The following KIF13B variants were observed in gnomAD, a reference collection of about 807,000 sequenced individuals.
KIF13B encodes the protein kinesin family member 13B, also known as kinesin-like protein KIF13B.
A neutral mutation model predicts 222.0 loss-of-function variants in KIF13B; 127 were observed. The ratio of observed to expected loss-of-function variants is 0.57; its 90% CI spans 0.50 to 0.66. The LOEUF is 0.66. Among genes scored for constraint, KIF13B ranks in the 30% least tolerant of loss-of-function variants. The pLI, the probability that KIF13B is intolerant of heterozygous loss-of-function variation, is 0.00. For synonymous variants in KIF13B, 976 were observed against 919.0 expected (o/e 1.06, Z -1.12); for missense variants, 2,173 against 2,379.0 (o/e 0.91, Z 1.80).
chr8:29,147,645 CATA>C (rs1164257766), intron 16 of KIF13B, 43 bp from the exon 17 acceptor site: 1 of 1,385,564 alleles, frequency 7.2e-7, no homozygotes, highest in Non-Finnish European at 1.0e-6. Flanking sequence ...AGAGTTACAA[CATA>C]ATAAACTTCA....
At chr8:29,217,655 G>C (rs991359860) in intron 2 of KIF13B, among the ~76,000 whole-genome samples, 1 of 152,334 alleles carries the variant, frequency 6.6e-6, no homozygotes, top group African/African-American at 2.4e-5. Context: ...AAAAGTAAGA[G>C]AGAACATCTT....
intron 18 of KIF13B, among the ~76,000 whole-genome samples, chr8:29,142,573 T>C (rs1041114872): frequency 4.6e-5 from 7 of 152,068 alleles, no homozygotes; most frequent in Admixed American, 4.6e-4. Flanking sequence ...GGCATGGTGG[T>C]TCACGCCTGT....
At chr8:29,212,371 G>A (rs929561971) in intron 2 of KIF13B, among the ~76,000 whole-genome samples, 95 of 152,260 alleles carry the variant, frequency 6.2e-4, no homozygotes, top group East Asian at 3.9e-4. Context: ...GTGCAGCATC[G>A]TCTGTCGTTT....
chr8:29,123,958 A>T, intron 27 of KIF13B, 66 bp downstream of exon 27: 1 of 984,740 alleles, frequency 1.0e-6, no homozygotes, highest in South Asian at 1.5e-5. Context: ...ATGTGGCTAC[A>T]AAGGGAGAAT....
intron 29 of KIF13B, among the ~76,000 whole-genome samples, chr8:29,121,143 CAG>C (rs1563718573): frequency 2.0e-5 from 3 of 150,990 alleles, no homozygotes; most frequent in African/African-American, 4.9e-5. Context: ...AGGTAATTTA[CAG>C]ATTCAATGCC....
intron 38 of KIF13B, among the ~76,000 whole-genome samples, chr8:29,074,758 T>C (rs1324371715): frequency 2.0e-5 from 3 of 152,256 alleles, no homozygotes; most frequent in African/African-American, 4.8e-5. Flanking sequence ...TGTGCCTCTG[T>C]TGCTGTTGTT....
intron 2 of KIF13B, among the ~76,000 whole-genome samples, chr8:29,241,546 T>TTCATAACA (rs1235775285): frequency 6.6e-6 from 1 of 152,178 alleles, no homozygotes; most frequent in Non-Finnish European, 1.5e-5. Context: ...TGGGATTATT[T>TTCATAACA]TCATAACAAT....
chr8:29,153,559 T>A (rs1436820425), intron 14 of KIF13B, among the ~76,000 whole-genome samples: 1 of 152,094 alleles, frequency 6.6e-6, no homozygotes, highest in Non-Finnish European at 1.5e-5. Flanking sequence ...GGGACACCAG[T>A]GTCATCATGC....
intron 26 of KIF13B, 141 bp from the exon 27 acceptor site, chr8:29,124,264 G>A (rs1012025059): frequency 5.3e-6 from 3 of 565,512 alleles, no homozygotes; most frequent in Non-Finnish European, 9.3e-6. Flanking sequence ...ACCACCAGTT[G>A]ACTGCGCCCA....
chr8:29,142,638 A>C (rs1370600505), intron 18 of KIF13B, among the ~76,000 whole-genome samples: 1 of 152,080 alleles, frequency 6.6e-6, no homozygotes, highest in Admixed American at 6.5e-5. Context: ...TCAGGAGTTC[A>C]AGACCAGCCT....
chr8:29,075,306 TC>T lies in KIF13B; in HGVS notation c.4495del (p.Asp1499ThrfsTer4). On this transcript the variant is annotated frameshift_variant, in exon 38 of 40. Coordinates refer to ENST00000524189, the MANE Select transcript of KIF13B (RefSeq NM_015254.4). LOFTEE classifies it high-confidence loss of function. Reference protein sequence around the residue: ...PRIMVQSASPDIRVTRMEEAQ... With the variant: ...PRIMVQSASPXIRVTRMEEAQ... ...CTCCTCCATCCTGGTCACCCTGATG[TC>T]CGGGCTGGCTGACTGCACCATGATG... The T allele has an allele frequency of 6.4e-7, 1 of 1,558,670 alleles. No individual in the cohort carries two copies. The highest frequency in any genetic ancestry group is 8.7e-7 in the Non-Finnish European group (1 of 1,150,802).
chr8:29,126,432 T>C, intron 26 of KIF13B, 50 bp downstream of exon 26: 8 of 1,189,720 alleles, frequency 6.7e-6, no homozygotes, highest in Non-Finnish European at 9.8e-6. Context: ...TGTGTAATTA[T>C]ATACTTTAAT....
chr8:29,209,345 T>C (rs1333793338), intron 2 of KIF13B, among the ~76,000 whole-genome samples: 1 of 152,064 alleles, frequency 6.6e-6, no homozygotes, highest in Non-Finnish European at 1.5e-5. Flanking sequence ...CTCAGCCATA[T>C]CTCATTTACT....
intron 10 of KIF13B, among the ~76,000 whole-genome samples, chr8:29,171,278 C>A (rs1812224719): frequency 6.6e-6 from 1 of 152,020 alleles, no homozygotes; most frequent in Admixed American, 6.6e-5. Flanking sequence ...AATGCGTAAC[C>A]CTCATTTAAT....
intron 14 of KIF13B, among the ~76,000 whole-genome samples, chr8:29,152,520 A>G (rs1811342811): frequency 6.6e-6 from 1 of 152,226 alleles, no homozygotes; most frequent in African/African-American, 2.4e-5. Context: ...ATCAGTGAGC[A>G]GCCACCAACA....
chr8:29,070,564 G>A lies in KIF13B; in HGVS notation c.5421C>T (p.Ala1807=). 6.2e-7 allele frequency: 1 copy of A among 1,607,500 alleles called. No individual in the cohort carries two copies. Among genetic ancestry groups the A allele is most frequent in the Non-Finnish European group, 8.5e-7 (1 of 1,177,566 alleles). Residue 1807 remains alanine, a synonymous_variant, in exon 40 of 40, where the codon GCC becomes GCT. Coordinates refer to ENST00000524189, the MANE Select transcript of KIF13B (RefSeq NM_015254.4). This position sits in a 1 kb window ranked among gnomAD's most constrained non-coding sequence, Gnocchi z 4.1. ...TGTGGCTCCTGTCGGCCTTGGCCAG[G>A]GCAGCTGTCAGCGAGGCCAGGTTGG... ...SATNLASLTA[A]LAKADRSHKN...
At chr8:29,106,632 CAAAAAAAAA>C (rs71222590) in intron 35 of KIF13B, among the ~76,000 whole-genome samples, 19 of 56,466 alleles carry the variant, frequency 3.4e-4, no homozygotes, top group Middle Eastern at 0.01. Context: ...AACTCTGTCT[CAAAAAAAAA>C]AAAAAAAAAA....
At chr8:29,081,483 G>A (rs555543687) in intron 37 of KIF13B, among the ~76,000 whole-genome samples, 3 of 152,292 alleles carry the variant, frequency 2.0e-5, no homozygotes, top group Admixed American at 2.0e-4. Context: ...TAAATTTTAT[G>A]AATTCTAAAT....
chr8:29,157,389 T>C (rs1382807746), intron 13 of KIF13B, among the ~76,000 whole-genome samples: 2 of 73,676 alleles, frequency 2.7e-5, no homozygotes, highest in Admixed American at 2.0e-4. Context: ...ACCTCGTCTC[T>C]ACCAAAAAAA....
Sources: gnomAD v4.1 joint callset for allele counts (sites outside exome capture counted in the v4.1 genomes callset) on GRCh38, gnomAD v4.1.1 for gene constraint, Gnocchi (gnomAD v3.1) non-coding constraint, MANE v1.5 for transcripts, NCBI Gene and HGNC (gene_info 2026-07-23, HGNC 2026-07-21) for gene names.